Variants in ADCY1 observed in about 807,000 individuals in gnomAD.
The protein encoded by ADCY1 is adenylate cyclase type 1.
A neutral mutation model predicts 105.4 loss-of-function variants in ADCY1; 28 were observed. The observed-to-expected ratio is 0.27, with a 90% CI of 0.20 to 0.36. The LOEUF is 0.36. ADCY1 is among the 10% of genes least tolerant of loss of function. The pLI is 1.00. For missense variants in ADCY1, 977 were observed against 1,434.2 expected (o/e 0.68, Z 5.15); for synonymous variants, 655 against 623.8 (o/e 1.05, Z -0.75).
intron 1 of ADCY1, among the ~76,000 whole-genome samples, chr7:45,576,014 A>G (rs1171546999): frequency 7.9e-5 from 12 of 151,438 alleles, no homozygotes; most frequent in Non-Finnish European, 1.5e-4. Context: ...CCTTGTGCCC[A>G]TCTCCAACGG....
intron 7 of ADCY1, among the ~76,000 whole-genome samples, chr7:45,661,258 C>A (rs901521126): frequency 6.6e-6 from 1 of 151,854 alleles, no homozygotes; most frequent in Admixed American, 6.6e-5. Flanking sequence ...GTTTGAATAG[C>A]GGGAGGGGAA....
At chr7:45,641,408 A>G (rs1584295028) in intron 4 of ADCY1, among the ~76,000 whole-genome samples, 1 of 152,302 alleles carries the variant, frequency 6.6e-6, no homozygotes. Context: ...CCCGTAATGT[A>G]GCTCCAACAA....
At chr7:45,692,235 C>T (rs997481188) in intron 14 of ADCY1, among the ~76,000 whole-genome samples, 1 of 152,172 alleles carries the variant, frequency 6.6e-6, no homozygotes, top group Non-Finnish European at 1.5e-5. Context: ...CACACACAGC[C>T]TCTGGCAGGC....
chr7:45,615,168 A>G lies in ADCY1; in HGVS notation c.908+4671A>G, dbSNP rs1295060506. On this transcript the variant is annotated intron_variant, in intron 3 of 19. Coordinates refer to ENST00000297323, the MANE Select transcript of ADCY1 (RefSeq NM_021116.4). ...TACAATTTCAAGAATTATATCAGGTATCTTTTCTGATCACAGAGGGATGAA... is the reference window on the plus strand; with the variant it reads ...TACAATTTCAAGAATTATATCAGGTGTCTTTTCTGATCACAGAGGGATGAA... Among the ~76,000 whole-genome samples, 3 of 152,256 alleles carry G rather than the reference A, an allele frequency of 2.0e-5. No individual in the cohort carries two copies. In the East Asian group the frequency reaches 5.8e-4, roughly 29 times the overall value.
intron 3 of ADCY1, among the ~76,000 whole-genome samples, chr7:45,620,884 G>A (rs1374633687): frequency 1.3e-5 from 2 of 152,118 alleles, no homozygotes; most frequent in Non-Finnish European, 2.9e-5. Context: ...CCCAGTGTCT[G>A]TGTGCCCCTT....
chr7:45,646,046 C>A lies in ADCY1; in HGVS notation c.1021-2624C>A, dbSNP rs185873668. The stretch of plus-strand genomic sequence containing the variant: ...GAAGCCTGAGTATGAGGTGTGGCCG[C>A]TTCCCCTTCCTGGCAAGCCCTGTGC... On this transcript the variant is annotated intron_variant, in intron 4 of 19. Coordinates refer to ENST00000297323, the MANE Select transcript of ADCY1 (RefSeq NM_021116.4). Among the ~76,000 whole-genome samples the A allele has an allele frequency of 3.2e-3, 484 of 152,152 alleles. 5 individuals are homozygous for A. The highest frequency in any genetic ancestry group is 0.011 in the African/African-American group (466 of 41,532).
intron 1 of ADCY1, among the ~76,000 whole-genome samples, chr7:45,582,739 A>G (rs1352996780): frequency 6.6e-6 from 1 of 152,116 alleles, no homozygotes; most frequent in African/African-American, 2.4e-5. Flanking sequence ...TGTCTTCTGC[A>G]GTATTTTGCT....
intron 3 of ADCY1, among the ~76,000 whole-genome samples, chr7:45,619,231 A>T (rs191842892): frequency 2.0e-5 from 3 of 152,320 alleles, no homozygotes; most frequent in Admixed American, 2.0e-4. Flanking sequence ...AGGAAGCCAC[A>T]GGGAGAGATT....
intron 4 of ADCY1, among the ~76,000 whole-genome samples, chr7:45,646,589 T>G (rs981163390): frequency 6.6e-6 from 1 of 152,176 alleles, no homozygotes; most frequent in African/African-American, 2.4e-5. Context: ...TTTGAAACAT[T>G]TGGACACCTG....
chr7:45,713,003 G>A (rs1003398020), intron 19 of ADCY1, among the ~76,000 whole-genome samples: 1 of 152,086 alleles, frequency 6.6e-6, no homozygotes, highest in Non-Finnish European at 1.5e-5. Context: ...GCTATGCCGG[G>A]GTCCTGTGAA....
intron 4 of ADCY1, among the ~76,000 whole-genome samples, chr7:45,627,120 C>T (rs957246523): frequency 1.3e-5 from 2 of 152,206 alleles, no homozygotes; most frequent in South Asian, 2.1e-4. Context: ...GTTGACCTCA[C>T]AGAAGTCTTT....
At chr7:45,621,755 G>T (rs528365717) in intron 3 of ADCY1, among the ~76,000 whole-genome samples, 3 of 152,134 alleles carry the variant, frequency 2.0e-5, no homozygotes, top group African/African-American at 7.2e-5. Context: ...GTGGTGCTGG[G>T]GGCGTTCTGG....
chr7:45,611,194 TA>T (rs916086465), intron 3 of ADCY1, among the ~76,000 whole-genome samples: 45 of 143,724 alleles, frequency 3.1e-4, no homozygotes, highest in African/African-American at 8.5e-4. Flanking sequence ...GGTGGGGAGA[TA>T]GGGGGAGTGT....
intron 19 of ADCY1, among the ~76,000 whole-genome samples, chr7:45,712,391 A>G (rs1785278473): frequency 6.6e-6 from 1 of 151,600 alleles, no homozygotes; most frequent in Non-Finnish European, 1.5e-5. Context: ...CCTGCCCCAA[A>G]CCAACATTGC....
At chr7:45,695,007 C>A (rs1182482394) in intron 14 of ADCY1, among the ~76,000 whole-genome samples, 1 of 152,230 alleles carries the variant, frequency 6.6e-6, no homozygotes, top group African/African-American at 2.4e-5. Context: ...CTGGTATTTT[C>A]CCTTTGAACT....
chr7:45,686,198 C>T lies in ADCY1; in HGVS notation c.2310C>T (p.Ser770=), dbSNP rs146844088. Residue 770 remains serine (S), a synonymous_variant, in exon 13 of 20, where the codon AGC becomes AGT. Transcript: ENST00000297323. This position sits in a 1 kb window ranked among gnomAD's most constrained non-coding sequence, Gnocchi z 4.3. The part of the protein sequence containing the change: ...TTSYILVLEL[S]GYTRTGGGAV... ...CCTACATCCTCGTTCTGGAGCTCAGCGGATACACCAGGACTGGGTAAGTGT... is the reference window on the plus strand; with the variant it reads ...CCTACATCCTCGTTCTGGAGCTCAGTGGATACACCAGGACTGGGTAAGTGT... 1.9e-5 allele frequency: 31 copies of T among 1,613,642 alleles called. No individual in the cohort carries two copies. Among genetic ancestry groups the T allele is most frequent in the East Asian group, 1.1e-4 (5 of 44,878 alleles).
At chr7:45,693,980 G>T (rs1171581534) in intron 14 of ADCY1, among the ~76,000 whole-genome samples, 1 of 106,622 alleles carries the variant, frequency 9.4e-6, no homozygotes, top group Admixed American at 1.0e-4. Flanking sequence ...TCGGGGGAGG[G>T]GGGAGGGATA....
intron 8 of ADCY1, chr7:45,664,250 G>A (rs2116137379): frequency 6.6e-7 from 1 of 1,525,768 alleles, no homozygotes; most frequent in Non-Finnish European, 8.8e-7. Context: ...AAGCAGAGAA[G>A]CTGTGTCGGA....
At chr7:45,611,562 TGTTCCC>T (rs1483950744) in intron 3 of ADCY1, among the ~76,000 whole-genome samples, 6 of 152,234 alleles carry the variant, frequency 3.9e-5, no homozygotes, top group Admixed American at 2.0e-4. Context: ...AGGAAGGGAT[TGTTCCC>T]ATTTTATAGG....
Sources: allele counts gnomAD v4.1 joint callset (sites outside exome capture counted in the v4.1 genomes callset), GRCh38; gene constraint gnomAD v4.1.1; non-coding constraint Gnocchi (gnomAD v3.1); transcripts MANE v1.5; gene names NCBI Gene and HGNC (gene_info 2026-07-23, HGNC 2026-07-21).